Variants in SDK1 observed in about 807,000 individuals in gnomAD.
SDK1 encodes the protein protein sidekick-1.
In SDK1, 157 loss-of-function variants were observed where a neutral mutation model predicts 245.5. The ratio of observed to expected loss-of-function variants is 0.64; its 90% CI spans 0.56 to 0.73. SDK1 has a LOEUF of 0.73. Ranked by LOEUF, SDK1 falls within the 30% of genes least tolerant of loss-of-function variation. SDK1 has a pLI of 0.00. For missense variants in SDK1, 3,583 were observed against 3,002.3 expected (o/e 1.19, Z -4.52); for synonymous variants, 1,647 against 1,278.5 (o/e 1.29, Z -6.15).
intron 1 of SDK1, among the ~76,000 whole-genome samples, chr7:3,481,570 A>G (rs1170213884): frequency 6.6e-6 from 1 of 152,180 alleles, no homozygotes; most frequent in African/African-American, 2.4e-5. Flanking sequence ...AGGTCCAGGT[A>G]TTTATTCTGA....
rs374983758 is a variant in SDK1 at position 4,241,851 on chromosome 7, C to T, written c.6189C>T (p.Ala2063=). ...CCCTGGACAACGGAGGATTTGCTGC[C>T]CTGGAGCTCAGCAGCCGCCACCTCA... ...SVTLDNGGFA[A]LELSSRHLNV... is the part of the protein sequence containing the mutation. Residue 2063 remains alanine, a synonymous_variant, in exon 43 of 45, where the codon GCC becomes GCT. Coordinates refer to ENST00000404826, the MANE Select transcript of SDK1 (RefSeq NM_152744.4). 8 of 1,614,094 alleles carry T rather than the reference C, an allele frequency of 5.0e-6. No individual in the cohort carries two copies. The highest frequency in any genetic ancestry group is 1.3e-5 in the African/African-American group (1 of 75,052).
chr7:3,442,179 T>C (rs1780214601), intron 1 of SDK1, among the ~76,000 whole-genome samples: 1 of 152,238 alleles, frequency 6.6e-6, no homozygotes. Flanking sequence ...AGCAGCCTAA[T>C]TCTAGTTATG....
At chr7:3,558,778 C>G (rs10215632) in intron 1 of SDK1, among the ~76,000 whole-genome samples, 37,195 of 152,170 alleles carry the variant, frequency 0.24, 4,751 homozygotes, top group East Asian at 0.36. Flanking sequence ...TTTAATTCAG[C>G]AGAATTTTTC....
Position 4,017,211 on chromosome 7 carries a change from A to T in SDK1, c.2461A>T (p.Asn821Tyr), listed in dbSNP as rs1562675285. ...AGLPGEYQQR[N>Y]ITSPEVNYCL... ...CCTTCCCGGAGAGTACCAGCAGCGGAACATCACCAGCCCGGAGGTGAACTA... is the reference window on the plus strand; with the variant it reads ...CCTTCCCGGAGAGTACCAGCAGCGGTACATCACCAGCCCGGAGGTGAACTA... The change falls in exon 17 of 45, where the codon AAC becomes TAC. Residue 821 changes from asparagine (N) to tyrosine (Y), a missense_variant. Asn to Tyr is a moderately radical substitution (Grantham distance 143). Coordinates refer to ENST00000404826, the MANE Select transcript of SDK1 (RefSeq NM_152744.4). 6.2e-7 allele frequency: 1 copy of T among 1,613,858 alleles called. No individual in the cohort carries two copies. Among genetic ancestry groups the T allele is most frequent in the East Asian group, 2.2e-5 (1 of 44,864 alleles).
At chr7:3,426,269 G>T (rs1462675490) in intron 1 of SDK1, among the ~76,000 whole-genome samples, 1 of 152,160 alleles carries the variant, frequency 6.6e-6, no homozygotes, top group Non-Finnish European at 1.5e-5. Flanking sequence ...CTGGCAGGAA[G>T]GGACTGCAGC....
chr7:4,077,024 G>C lies in SDK1; in HGVS notation c.3037G>C (p.Gly1013Arg), dbSNP rs138646463. 6 of 1,614,082 alleles carry C rather than the reference G, an allele frequency of 3.7e-6. No individual in the cohort carries two copies. Among genetic ancestry groups the C allele is most frequent in the Non-Finnish European group, 4.2e-6 (5 of 1,180,010 alleles). Reference sequence around the variant, plus strand: ...CTATCAGATCTCTTGGGAAGTGTACGGCAGGAACGACTCTCGTCTCACGCA... The same window carrying C: ...CTATCAGATCTCTTGGGAAGTGTACCGCAGGAACGACTCTCGTCTCACGCA... ...TGYQISWEVY[G>R]RNDSRLTHTL... Residue 1013 changes from glycine (G) to arginine (R), a missense_variant, in exon 21 of 45, where the codon GGC (glycine) becomes CGC (arginine). By Grantham distance (125) the Gly-to-Arg change is moderately radical. Coordinates refer to ENST00000404826, the MANE Select transcript of SDK1 (RefSeq NM_152744.4).
chr7:4,200,528 C>A (rs1012660786), intron 35 of SDK1, among the ~76,000 whole-genome samples: 1 of 152,222 alleles, frequency 6.6e-6, no homozygotes, highest in Non-Finnish European at 1.5e-5. Context: ...TCTGAAAGTT[C>A]GACCGGGGAA....
chr7:3,966,498 C>T (rs1255301573), intron 9 of SDK1, among the ~76,000 whole-genome samples: 1 of 152,076 alleles, frequency 6.6e-6, no homozygotes, highest in East Asian at 1.9e-4. Flanking sequence ...CTCAGGGCTG[C>T]TCGGGGCCGT....
chr7:3,404,944 T>C lies in SDK1; in HGVS notation c.298+103060T>C, dbSNP rs1054095903. On this transcript the variant is annotated intron_variant, in intron 1 of 44. Transcript: ENST00000404826. ...GTAAGTGAAAATATTCAAATGAAAC[T>C]TGTGTAGAAAAGGAACTGCCTGTGT... Among the ~76,000 whole-genome samples the C allele has an allele frequency of 1.2e-4, 19 of 152,070 alleles. 1 individual carries two copies. Among genetic ancestry groups the C allele is most frequent in the African/African-American group, 4.6e-4 (19 of 41,404 alleles).
intron 13 of SDK1, among the ~76,000 whole-genome samples, chr7:3,983,342 C>G (rs1037569325): frequency 2.6e-5 from 4 of 152,144 alleles, no homozygotes; most frequent in Non-Finnish European, 5.9e-5. Context: ...TCACTGCTGT[C>G]TCGTTTGAAG....
chr7:3,642,509 C>G (rs573500707), intron 4 of SDK1, among the ~76,000 whole-genome samples: 9 of 152,122 alleles, frequency 5.9e-5, no homozygotes, highest in East Asian at 1.9e-4. Flanking sequence ...TTTTATTGAG[C>G]CATGTTTGAT....
chr7:4,140,206 C>A (rs1026556408), intron 28 of SDK1, among the ~76,000 whole-genome samples: 1 of 152,180 alleles, frequency 6.6e-6, no homozygotes, highest in Non-Finnish European at 1.5e-5. Context: ...GCTGCTCGTC[C>A]CCCTCTCAGA....
intron 1 of SDK1, among the ~76,000 whole-genome samples, chr7:3,423,327 A>G (rs1423012876): frequency 6.6e-6 from 1 of 152,228 alleles, no homozygotes; most frequent in Non-Finnish European, 1.5e-5. Flanking sequence ...GGAGGAAATT[A>G]TGTAGTTAAA....
intron 1 of SDK1, among the ~76,000 whole-genome samples, chr7:3,309,824 T>A (rs1310336499): frequency 6.6e-6 from 1 of 152,222 alleles, no homozygotes; most frequent in African/African-American, 2.4e-5. Flanking sequence ...ATGTAGAATT[T>A]GTTTTATTTT....
chr7:3,653,924 A>G (rs1477330912), intron 4 of SDK1, among the ~76,000 whole-genome samples: 2 of 152,200 alleles, frequency 1.3e-5, no homozygotes, highest in African/African-American at 4.8e-5. Context: ...TTAACAGAAG[A>G]GAATGAGCAA....
chr7:3,755,298 CG>C (rs1779888849), intron 4 of SDK1, among the ~76,000 whole-genome samples: 1 of 152,018 alleles, frequency 6.6e-6, no homozygotes, highest in Admixed American at 6.5e-5. Flanking sequence ...GGTTGGGGAG[CG>C]AAAATAGGGA....
At chr7:3,652,499 T>C (rs1783040963) in intron 4 of SDK1, among the ~76,000 whole-genome samples, 1 of 152,212 alleles carries the variant, frequency 6.6e-6, no homozygotes, top group Non-Finnish European at 1.5e-5. Context: ...CACGGATGCA[T>C]GTGGTTTGGT....
At chr7:4,151,558 G>A (rs769502144) in intron 30 of SDK1, among the ~76,000 whole-genome samples, 2 of 152,190 alleles carry the variant, frequency 1.3e-5, no homozygotes, top group Non-Finnish European at 2.9e-5. Context: ...CCCCTCTGAG[G>A]TGTTTTCCCT....
intron 5 of SDK1, among the ~76,000 whole-genome samples, chr7:3,833,235 C>T (rs1408460958): frequency 1.3e-5 from 2 of 152,126 alleles, no homozygotes; most frequent in Non-Finnish European, 2.9e-5. Context: ...TCAGAGCTGA[C>T]ATAAGTCAGT....
Sources: gnomAD v4.1 joint callset for allele counts (sites outside exome capture counted in the v4.1 genomes callset) on GRCh38, gnomAD v4.1.1 for gene constraint, MANE v1.5 for transcripts, NCBI Gene and HGNC (gene_info 2026-07-23, HGNC 2026-07-21) for gene names.